The following ALCAM variants were observed in gnomAD, a reference collection of about 807,000 sequenced individuals.
The protein encoded by ALCAM is activated leukocyte cell adhesion molecule.
In ALCAM, 30 loss-of-function variants were observed where a neutral mutation model predicts 70.9. The observed-to-expected ratio is 0.42, with a 90% CI of 0.32 to 0.57. ALCAM has a LOEUF of 0.57. Ranked by LOEUF, ALCAM falls within the 20% of genes least tolerant of loss-of-function variation. The pLI, the probability that ALCAM is intolerant of heterozygous loss-of-function variation, is 0.11. For missense variants in ALCAM, 591 were observed against 695.1 expected, an observed-to-expected ratio of 0.85 and a Z score of 1.68; for synonymous variants, 249 against 242.5, an observed-to-expected ratio of 1.03 and a Z score of -0.25.
chr3:105,367,128 T>C lies in ALCAM; in HGVS notation c.-281T>C. On this transcript the variant is annotated 5_prime_UTR_variant, in exon 1 of 16. Transcript: ENST00000306107. Reference sequence around the variant, plus strand: ...TACACCTTTCCGAATTACTCAAGTGTCTCCTGGAAACAGAGGGTCGTTGTC... The same window carrying C: ...TACACCTTTCCGAATTACTCAAGTGCCTCCTGGAAACAGAGGGTCGTTGTC... 2.2e-6 allele frequency: 1 copy of C among 461,390 alleles called. No individual in the cohort carries two copies. The highest frequency in any genetic ancestry group is 4.0e-6 in the Non-Finnish European group (1 of 251,386). The allele number at this position is 461,390 out of a possible 1,614,324, so 28.6% of individuals were successfully genotyped here. A position where few individuals can be genotyped will look rare whatever the true frequency, so the allele number is the denominator to read the frequency against.
chr3:105,572,467 T>C (rs971994072), intron 15 of ALCAM, among the ~76,000 whole-genome samples: 1 of 152,246 alleles, frequency 6.6e-6, no homozygotes, highest in Non-Finnish European at 1.5e-5. Flanking sequence ...CCACATTTTC[T>C]TAATCCAGTC....
At chr3:105,559,166 GTA>G (rs906061038) in intron 14 of ALCAM, among the ~76,000 whole-genome samples, 7 of 147,124 alleles carry the variant, frequency 4.8e-5, no homozygotes, top group Non-Finnish European at 1.0e-4. Flanking sequence ...TAAAATAAAT[GTA>G]TATATATTAT....
At position 105,477,082 on chromosome 3, in the gene ALCAM, G is replaced by C. The variant is rs374251368; in HGVS notation, c.74-42985G>C. 1.4e-4 allele frequency among the ~76,000 whole-genome samples: 22 copies of C among 152,190 alleles called. No individual in the cohort carries two copies. In the East Asian group the frequency reaches 2.3e-3, roughly 16 times the overall value. ...CCACCATGATTCTGAGGCCTCCCCA[G>C]CCATGTGGAACTGTTAAGTCCAATT... On this transcript the variant is annotated intron_variant, in intron 1 of 15. Coordinates refer to ENST00000306107, the MANE Select transcript of ALCAM (RefSeq NM_001627.4).
At chr3:105,392,554 G>T (rs1044386722) in intron 1 of ALCAM, among the ~76,000 whole-genome samples, 1 of 150,742 alleles carries the variant, frequency 6.6e-6, no homozygotes, top group African/African-American at 2.4e-5. Context: ...TTTTTTGAAG[G>T]GTTTTTTTAT....
At chr3:105,521,307 CAAAAAA>C (rs3996196) in intron 2 of ALCAM, among the ~76,000 whole-genome samples, 10 of 78,148 alleles carry the variant, frequency 1.3e-4, no homozygotes, top group African/African-American at 4.8e-4. Context: ...GACTCCGTCT[CAAAAAA>C]AAAAAAAAAA....
Position 105,392,203 on chromosome 3 carries a change from C to CT in ALCAM, c.73+24731dup, listed in dbSNP as rs796587802. 4.8e-4 allele frequency among the ~76,000 whole-genome samples: 73 copies of CT among 150,876 alleles called. 1 individual carries two copies. Among genetic ancestry groups the CT allele is most frequent in the Admixed American group, 2.8e-3 (42 of 15,086 alleles). On this transcript the variant is annotated intron_variant, in intron 1 of 15. Coordinates refer to ENST00000306107, the MANE Select transcript of ALCAM (RefSeq NM_001627.4). Reference sequence around the variant, plus strand: ...AGCTGTAAATCCTTCTGGTCCTGGTCTTTTTTTTTGTTTGGTAGGCTATTT... The same window carrying CT: ...AGCTGTAAATCCTTCTGGTCCTGGTCTTTTTTTTTTGTTTGGTAGGCTATTT...
chr3:105,491,778 C>G (rs1169740443), intron 1 of ALCAM, among the ~76,000 whole-genome samples: 2 of 152,196 alleles, frequency 1.3e-5, no homozygotes, highest in Non-Finnish European at 2.9e-5. Flanking sequence ...ACTTCATTGT[C>G]CATATCACTA....
chr3:105,452,320 A>G (rs1019987372), intron 1 of ALCAM, among the ~76,000 whole-genome samples: 3 of 151,942 alleles, frequency 2.0e-5, no homozygotes, highest in African/African-American at 7.3e-5. Context: ...TCGAACATGC[A>G]GTATTTGGTT....
intron 4 of ALCAM, 25 bp from the exon 5 acceptor site, chr3:105,533,578 A>G (rs1939897104): frequency 1.2e-6 from 2 of 1,602,782 alleles, no homozygotes. Flanking sequence ...AACCAAGGTA[A>G]TAACATTGCC....
intron 1 of ALCAM, among the ~76,000 whole-genome samples, chr3:105,451,086 GAAGT>G (rs71111360): frequency 0.54 from 81,149 of 151,014 alleles, 22,455 homozygotes; most frequent in East Asian, 0.88. Flanking sequence ...TAAATCCAAA[GAAGT>G]AAGTAAACAA....
intron 1 of ALCAM, among the ~76,000 whole-genome samples, chr3:105,444,208 T>C (rs1937243290): frequency 6.6e-6 from 1 of 152,212 alleles, no homozygotes; most frequent in Admixed American, 6.5e-5. Flanking sequence ...GTTCTCACAC[T>C]GCTATAAAGA....
chr3:105,529,411 C>A (rs1164711761), intron 3 of ALCAM, among the ~76,000 whole-genome samples: 2 of 152,096 alleles, frequency 1.3e-5, no homozygotes, highest in Admixed American at 6.6e-5. Flanking sequence ...AATCAATATG[C>A]AATTTTGCTA....
intron 12 of ALCAM, among the ~76,000 whole-genome samples, chr3:105,551,315 A>G (rs1416721341): frequency 6.6e-6 from 1 of 151,656 alleles, no homozygotes; most frequent in Non-Finnish European, 1.5e-5. Flanking sequence ...TTCTTCCTGA[A>G]CACAAGTTTC....
At chr3:105,514,123 A>T (rs1939318037) in intron 1 of ALCAM, among the ~76,000 whole-genome samples, 1 of 151,920 alleles carries the variant, frequency 6.6e-6, no homozygotes, top group African/African-American at 2.4e-5. Context: ...GTCCCACAGC[A>T]TTTGGTTTAC....
chr3:105,553,895 T>C (rs1220563255), intron 14 of ALCAM, among the ~76,000 whole-genome samples: 1 of 151,944 alleles, frequency 6.6e-6, no homozygotes, highest in Non-Finnish European at 1.5e-5. Flanking sequence ...CCATACTTTC[T>C]CTCACTTGCT....
At chr3:105,519,694 C>T (rs1178964652) in intron 1 of ALCAM, among the ~76,000 whole-genome samples, 1 of 151,998 alleles carries the variant, frequency 6.6e-6, no homozygotes, top group East Asian at 1.9e-4. Flanking sequence ...TTTGTGTAGT[C>T]CCACATTTCT....
intron 1 of ALCAM, among the ~76,000 whole-genome samples, chr3:105,416,913 AT>A (rs1385566279): frequency 6.6e-6 from 1 of 151,990 alleles, no homozygotes; most frequent in Non-Finnish European, 1.5e-5. Flanking sequence ...ATTTTGGAAT[AT>A]TTAAGTCTGA....
chr3:105,469,613 C>A (rs1277405721), intron 1 of ALCAM, among the ~76,000 whole-genome samples: 1 of 151,100 alleles, frequency 6.6e-6, no homozygotes. Flanking sequence ...AAATAAATAA[C>A]TAAATGTTTG....
At chr3:105,391,968 A>T (rs1300497880) in intron 1 of ALCAM, among the ~76,000 whole-genome samples, 2 of 151,862 alleles carry the variant, frequency 1.3e-5, no homozygotes, top group Non-Finnish European at 2.9e-5. Context: ...CTGCTGGATC[A>T]GTATGCCAGT....
Sources: gnomAD v4.1 joint callset for allele counts (sites outside exome capture counted in the v4.1 genomes callset) on GRCh38, gnomAD v4.1.1 for gene constraint, MANE v1.5 for transcripts, NCBI Gene and HGNC (gene_info 2026-07-23, HGNC 2026-07-21) for gene names.